ESYT2: variants seen among roughly 807,000 people sequenced by gnomAD.
ESYT2 encodes the protein extended synaptotagmin-2.
ESYT2 carries 54 observed loss-of-function variants against 107.2 expected under a neutral mutation model. The observed-to-expected ratio is 0.50, with a 90% CI of 0.40 to 0.63. ESYT2 has a LOEUF of 0.63. Ranked by LOEUF, ESYT2 falls within the 30% of genes least tolerant of loss-of-function variation. The pLI, the probability that ESYT2 is intolerant of heterozygous loss-of-function variation, is 0.00. For synonymous variants in ESYT2, 491 were observed against 434.1 expected (o/e 1.13, Z -1.63); for missense variants, 1,020 against 1,094.5 (o/e 0.93, Z 0.96).
chr7:158,800,449 G>A (rs538500040), intron 1 of ESYT2, among the ~76,000 whole-genome samples: 17 of 152,292 alleles, frequency 1.1e-4, no homozygotes, highest in African/African-American at 4.1e-4. Context: ...GAGAGCAGTA[G>A]TTCAATCACG....
chr7:158,812,758 T>C (rs1474285420), intron 1 of ESYT2, among the ~76,000 whole-genome samples: 2 of 152,212 alleles, frequency 1.3e-5, no homozygotes, highest in Non-Finnish European at 2.9e-5. Flanking sequence ...CTTAAAGAGA[T>C]GATACACTGG....
chr7:158,822,673 C>T (rs1023954326), intron 1 of ESYT2, among the ~76,000 whole-genome samples: 6 of 152,022 alleles, frequency 3.9e-5, no homozygotes, highest in East Asian at 1.9e-4. Context: ...GAGCTGGGTA[C>T]AATGATTCAC....
intron 1 of ESYT2, among the ~76,000 whole-genome samples, chr7:158,808,723 A>G (rs980402699): frequency 2.0e-5 from 3 of 151,946 alleles, no homozygotes; most frequent in Non-Finnish European, 4.4e-5. Flanking sequence ...TAATCCCAGC[A>G]CTTTGGGAGG....
chr7:158,796,213 G>A (rs1016556924), intron 3 of ESYT2, among the ~76,000 whole-genome samples: 1 of 152,094 alleles, frequency 6.6e-6, no homozygotes, highest in African/African-American at 2.4e-5. Context: ...TGAGTCTTTA[G>A]GCATATAAAA....
At chr7:158,754,817 A>G (rs1193161503) in intron 13 of ESYT2, among the ~76,000 whole-genome samples, 1 of 152,098 alleles carries the variant, frequency 6.6e-6, no homozygotes, top group African/African-American at 2.4e-5. Flanking sequence ...GGGAATCTCT[A>G]GTCTGTGTCA....
chr7:158,757,983 A>G (rs1837825439), intron 13 of ESYT2, among the ~76,000 whole-genome samples: 1 of 152,242 alleles, frequency 6.6e-6, no homozygotes, highest in South Asian at 2.1e-4. Flanking sequence ...CTGTATAGAA[A>G]TTCTGTGGAA....
At chr7:158,788,545 C>T in intron 4 of ESYT2, 128 bp from the exon 5 acceptor site, 2 of 790,304 alleles carry the variant, frequency 2.5e-6, no homozygotes, top group South Asian at 4.0e-5. Context: ...TAGGTAAAAA[C>T]CCTAAAATGT....
chr7:158,774,232 T>A (rs976227636), intron 6 of ESYT2, among the ~76,000 whole-genome samples: 1 of 152,214 alleles, frequency 6.6e-6, no homozygotes, highest in Non-Finnish European at 1.5e-5. Flanking sequence ...CCTTTTTGGT[T>A]GCAAGCAAAT....
chr7:158,785,798 C>G (rs372828687), intron 6 of ESYT2, among the ~76,000 whole-genome samples: 85 of 152,266 alleles, frequency 5.6e-4, no homozygotes, highest in African/African-American at 2.0e-3. Flanking sequence ...GTCACCTCAG[C>G]AATATTTAGG....
chr7:158,800,739 T>C (rs1325054400), intron 1 of ESYT2, among the ~76,000 whole-genome samples: 3 of 151,248 alleles, frequency 2.0e-5, no homozygotes, highest in African/African-American at 7.3e-5. Context: ...CTTTTCTTTT[T>C]TTTTTTTGAG....
chr7:158,757,524 G>A (rs1788029153), intron 13 of ESYT2, among the ~76,000 whole-genome samples: 1 of 151,822 alleles, frequency 6.6e-6, no homozygotes, highest in African/African-American at 2.4e-5. Flanking sequence ...GAGAGGCAGA[G>A]CCAAAGGATC....
rs1488750028 is a variant in ESYT2, at chr7:158,732,304, A to T, written c.*1903T>A. ...AATCTAATACTAAGGGAAAGCAACT[A>T]GATTTAATGTTGTTACCTGTCTTCC... On this transcript the variant is annotated 3_prime_UTR_variant, in exon 23 of 23. Transcript: ENST00000275418. 3 of 152,230 alleles carry T rather than the reference A, an allele frequency of 2.0e-5. No homozygotes were observed. Among genetic ancestry groups the T allele is most frequent in the African/African-American group, 7.2e-5 (3 of 41,466 alleles). The allele number at this position is 152,230 out of a possible 1,614,324, so 9.4% of individuals were successfully genotyped here. A position where few individuals can be genotyped will look rare whatever the true frequency, so the allele number is the denominator to read the frequency against.
intron 6 of ESYT2, among the ~76,000 whole-genome samples, chr7:158,782,562 A>C (rs1838940241): frequency 6.8e-6 from 1 of 147,336 alleles, no homozygotes; most frequent in Non-Finnish European, 1.5e-5. Context: ...GCAGCGGGAA[A>C]GTGGGAGTGT....
At chr7:158,801,881 C>G (rs1218189970) in intron 1 of ESYT2, among the ~76,000 whole-genome samples, 1 of 152,012 alleles carries the variant, frequency 6.6e-6, no homozygotes, top group African/African-American at 2.4e-5. Flanking sequence ...ACCAAATATA[C>G]AAAGACAGAA....
chr7:158,780,735 G>A (rs773770576), intron 6 of ESYT2, among the ~76,000 whole-genome samples: 40 of 152,164 alleles, frequency 2.6e-4, no homozygotes, highest in Middle Eastern at 6.3e-3. Flanking sequence ...CAGGAATTGC[G>A]GAAGGAAAGG....
chr7:158,760,215 C>G, intron 11 of ESYT2, 68 bp from the exon 12 acceptor site: 2 of 1,431,274 alleles, frequency 1.4e-6, no homozygotes, highest in Non-Finnish European at 2.0e-6. Context: ...TAAACCCAGT[C>G]TCTACAAATG....
chr7:158,779,851 G>A (rs1199224434), intron 6 of ESYT2, among the ~76,000 whole-genome samples: 1 of 152,210 alleles, frequency 6.6e-6, no homozygotes. Flanking sequence ...AGGCTATGCA[G>A]AGCTTATGAA....
chr7:158,735,723 A>T, intron 20 of ESYT2, 115 bp from the exon 21 acceptor site: 1 of 924,452 alleles, frequency 1.1e-6, no homozygotes, highest in Non-Finnish European at 1.6e-6. Context: ...GTTTTTTATT[A>T]TAAAACTGAG....
intron 15 of ESYT2, 97 bp from the exon 16 acceptor site, chr7:158,748,377 A>T (rs1837474409): frequency 1.2e-5 from 12 of 1,017,600 alleles, no homozygotes; most frequent in Non-Finnish European, 1.8e-5. Flanking sequence ...AATAAAAAGA[A>T]AATAAATAAA....
Sources: allele counts gnomAD v4.1 joint callset (sites outside exome capture counted in the v4.1 genomes callset), GRCh38; gene constraint gnomAD v4.1.1; transcripts MANE v1.5; gene names NCBI Gene and HGNC (gene_info 2026-07-23, HGNC 2026-07-21).